CEP63: variants seen among roughly 807,000 people sequenced by gnomAD.
CEP63 encodes the protein centrosomal protein 63, also known as centrosomal protein of 63 kDa.
CEP63 carries 84 observed loss-of-function variants against 89.1 expected under a neutral mutation model. The observed-to-expected ratio is 0.94, with a 90% CI of 0.79 to 1.13. The LOEUF (loss-of-function observed/expected upper bound fraction) is 1.13, where lower values mean the gene tolerates loss of function less well. Among genes scored for constraint, CEP63 ranks in the 50% most tolerant of loss-of-function variants. CEP63 has a pLI of 0.00. For synonymous variants in CEP63, 267 were observed against 272.5 expected (o/e 0.98, Z 0.20); for missense variants, 838 against 813.3 (o/e 1.03, Z -0.37).
the CEP63 span, among the ~76,000 whole-genome samples, chr3:134,697,827 G>A: frequency 6.6e-6 from 1 of 152,206 alleles, no homozygotes; most frequent in African/African-American, 2.4e-5. Context: ...AATGACAAGA[G>A]TAACCGACAG....
At chr3:134,488,501 C>T (rs1310033267) in intron 1 of CEP63, among the ~76,000 whole-genome samples, 1 of 151,416 alleles carries the variant, frequency 6.6e-6, no homozygotes, top group African/African-American at 2.4e-5. Flanking sequence ...CCCAGCTACT[C>T]GGGAGGCTGA....
chr3:134,649,318 C>T, the CEP63 span, among the ~76,000 whole-genome samples: 1 of 152,260 alleles, frequency 6.6e-6, no homozygotes, highest in South Asian at 2.1e-4. Flanking sequence ...TCAGGGCAGT[C>T]CTGATGCCTG....
At chr3:134,611,501 T>C in the CEP63 span, among the ~76,000 whole-genome samples, 1 of 152,220 alleles carries the variant, frequency 6.6e-6, no homozygotes, top group African/African-American at 2.4e-5. Context: ...ATGCTAGCCC[T>C]CCTAGGGCCT....
the CEP63 span, among the ~76,000 whole-genome samples, chr3:134,721,874 G>T: frequency 6.6e-6 from 1 of 152,046 alleles, no homozygotes; most frequent in African/African-American, 2.4e-5. Context: ...TAGTTTGTTA[G>T]TATTTTGTTG....
intron 3 of CEP63, among the ~76,000 whole-genome samples, chr3:134,525,865 A>G (rs560990901): frequency 1.9e-4 from 29 of 151,884 alleles, no homozygotes; most frequent in Non-Finnish European, 3.5e-4. Context: ...TGCCGTTAAC[A>G]TTTTTTTCCT....
the CEP63 span, among the ~76,000 whole-genome samples, chr3:134,633,834 T>C: frequency 6.6e-6 from 1 of 152,170 alleles, no homozygotes; most frequent in African/African-American, 2.4e-5. Flanking sequence ...ACAGTTGATA[T>C]GTCTGTCTAC....
At chr3:134,701,483 TATATAC>T in the CEP63 span, among the ~76,000 whole-genome samples, 1 of 148,230 alleles carries the variant, frequency 6.7e-6, no homozygotes, top group Non-Finnish European at 1.5e-5. Context: ...CACACATATA[TATATAC>T]ATACACATTA....
intron 7 of CEP63, 125 bp from the exon 8 acceptor site, chr3:134,546,024 C>G (rs948755894): frequency 3.0e-5 from 32 of 1,069,358 alleles, no homozygotes; most frequent in Non-Finnish European, 4.4e-5. Flanking sequence ...TATAGTCTGA[C>G]TTCCTGGCTT....
the CEP63 span, among the ~76,000 whole-genome samples, chr3:134,695,804 T>C: frequency 6.6e-6 from 1 of 152,224 alleles, no homozygotes; most frequent in Non-Finnish European, 1.5e-5. Flanking sequence ...GGTCTGCCTG[T>C]GTGGCTTGTG....
At chr3:134,560,112 C>A (rs1188946145) in intron 14 of CEP63, among the ~76,000 whole-genome samples, 3 of 152,236 alleles carry the variant, frequency 2.0e-5, no homozygotes, top group Non-Finnish European at 4.4e-5. Context: ...GTCCTCACTT[C>A]ACTTTCTTCC....
intron 6 of CEP63, among the ~76,000 whole-genome samples, chr3:134,540,935 C>T (rs1017280107): frequency 3.3e-5 from 5 of 152,042 alleles, no homozygotes; most frequent in African/African-American, 9.7e-5. Flanking sequence ...GTGCTCACCA[C>T]CACGCTCAGC....
chr3:134,569,971 C>T (rs1300301416), downstream of CEP63, among the ~76,000 whole-genome samples: 1 of 152,248 alleles, frequency 6.6e-6, no homozygotes, highest in Admixed American at 6.5e-5. Context: ...TTGGGACTTG[C>T]ACCCTCTGAA....
the CEP63 span, among the ~76,000 whole-genome samples, chr3:134,691,039 G>A: frequency 6.6e-6 from 1 of 152,130 alleles, no homozygotes; most frequent in African/African-American, 2.4e-5. Context: ...GTGAGCCACC[G>A]TGCCTGGCCA....
chr3:134,763,057 GCAT>G, the CEP63 span, among the ~76,000 whole-genome samples: 6 of 151,988 alleles, frequency 3.9e-5, no homozygotes, highest in African/African-American at 1.5e-4. Flanking sequence ...AGGAGTAGTG[GCAT>G]CATATTTTTT....
intron 2 of CEP63, among the ~76,000 whole-genome samples, chr3:134,503,453 G>A (rs141469121): frequency 3.3e-5 from 5 of 152,086 alleles, no homozygotes; most frequent in Non-Finnish European, 7.4e-5. Flanking sequence ...CCTGGAGAAT[G>A]TTCTGTGTGC....
chr3:134,531,835 C>T lies in CEP63; in HGVS notation c.223-10C>T, dbSNP rs748492522. Reference sequence around the variant, plus strand: ...AATAGTGAAAAATACTACCACCTTTCTGCTTTTAGGTTGGAATGTTGCATC... The same window carrying T: ...AATAGTGAAAAATACTACCACCTTTTTGCTTTTAGGTTGGAATGTTGCATC... On this transcript the variant is annotated splice_polypyrimidine_tract_variant and intron_variant, in intron 3 of 14. Transcript: ENST00000675561. 5 of 1,601,812 alleles carry T rather than the reference C, an allele frequency of 3.1e-6. No individual in the cohort carries two copies. Among genetic ancestry groups the T allele is most frequent in the African/African-American group, 1.3e-5 (1 of 74,634 alleles).
chr3:134,567,793 G>A (rs1229730579), downstream of CEP63, among the ~76,000 whole-genome samples: 7 of 152,214 alleles, frequency 4.6e-5, no homozygotes, highest in Non-Finnish European at 1.0e-4. Context: ...AGGCAGCAAA[G>A]GCCACTCATC....
At chr3:134,601,944 G>C in the CEP63 span, among the ~76,000 whole-genome samples, 59 of 152,266 alleles carry the variant, frequency 3.9e-4, no homozygotes, top group African/African-American at 1.3e-3. Context: ...CAGGGGCCGG[G>C]CCCCCTTGGT....
At chr3:134,606,141 G>A in the CEP63 span, among the ~76,000 whole-genome samples, 1 of 152,002 alleles carries the variant, frequency 6.6e-6, no homozygotes, top group Non-Finnish European at 1.5e-5. Context: ...CACTGCTCAC[G>A]GCCCCTGGTC....
Sources: allele counts gnomAD v4.1 joint callset (sites outside exome capture counted in the v4.1 genomes callset), GRCh38; gene constraint gnomAD v4.1.1; transcripts MANE v1.5; gene names NCBI Gene and HGNC (gene_info 2026-07-23, HGNC 2026-07-21).